ANK3: variants seen among roughly 807,000 people sequenced by gnomAD.
ANK3 encodes the protein ankyrin 3.
ANK3 carries 57 observed loss-of-function variants against 370.9 expected under a neutral mutation model. The observed-to-expected ratio is 0.15, with a 90% confidence interval of 0.12 to 0.19. The LOEUF (loss-of-function observed/expected upper bound fraction) is 0.19, where lower values mean the gene tolerates loss of function less well. Ranked by LOEUF, ANK3 falls within the 10% of genes least tolerant of loss-of-function variation. The probability of loss-of-function intolerance (pLI) is 1.00; values close to 1 mark genes in which losing one functional copy is unlikely to be tolerated. For synonymous variants in ANK3, 1,929 were observed against 1,946.3 expected (o/e 0.99, Z 0.23); for missense variants, 4,439 against 5,302.1 (o/e 0.84, Z 5.06).
chr10:60,328,205 C>G (rs1031962301), intron 1 of ANK3, among the ~76,000 whole-genome samples: 2 of 152,076 alleles, frequency 1.3e-5, no homozygotes, highest in African/African-American at 4.8e-5. Flanking sequence ...GAAGCAAATA[C>G]AACAAGAAAT....
intron 1 of ANK3, among the ~76,000 whole-genome samples, chr10:60,308,536 A>C (rs1266953426): frequency 6.6e-6 from 1 of 152,050 alleles, no homozygotes; most frequent in Non-Finnish European, 1.5e-5. Context: ...TCGGCCTCCC[A>C]AATTGCTGGG....
intron 11 of ANK3, 55 bp downstream of exon 11, chr10:60,205,737 G>T: frequency 7.5e-7 from 1 of 1,332,936 alleles, no homozygotes; most frequent in Non-Finnish European, 1.1e-6. Context: ...GGCTCTGGCT[G>T]CTAAGGCTAT....
intron 2 of ANK3, among the ~76,000 whole-genome samples, chr10:60,395,264 A>C (rs2063192785): frequency 6.6e-6 from 1 of 152,244 alleles, no homozygotes; most frequent in Non-Finnish European, 1.5e-5. Flanking sequence ...AAGTAGCTCA[A>C]TGATTTTATA....
At chr10:60,504,193 C>G (rs977157105) in intron 2 of ANK3, among the ~76,000 whole-genome samples, 7 of 152,038 alleles carry the variant, frequency 4.6e-5, no homozygotes, top group African/African-American at 9.7e-5. Context: ...GGAGTAAAAC[C>G]TTGATGGACA....
intron 24 of ANK3, among the ~76,000 whole-genome samples, chr10:60,137,697 G>A (rs892066565): frequency 2.6e-5 from 4 of 152,092 alleles, no homozygotes; most frequent in East Asian, 3.9e-4. Flanking sequence ...AATACAGTGC[G>A]ATATTCTGGT....
chr10:60,050,941 G>A (rs948516670), intron 42 of ANK3, among the ~76,000 whole-genome samples: 3 of 142,544 alleles, frequency 2.1e-5, no homozygotes, highest in African/African-American at 7.9e-5. Context: ...GACTTGCATT[G>A]TGTCACATAT....
intron 11 of ANK3, 47 bp from the exon 12 acceptor site, chr10:60,203,147 A>C (rs2096710703): frequency 6.8e-7 from 1 of 1,460,198 alleles, no homozygotes; most frequent in Non-Finnish European, 9.6e-7. Flanking sequence ...TAGCATAAAA[A>C]AGGTTTGTCT....
rs80254229 is a variant in ANK3, at chr10:60,080,707, T to G, written c.4351-89A>C. 3,688 of 1,000,162 alleles carry G rather than the reference T, an allele frequency of 3.7e-3. 61 individuals carry two copies. The African/African-American group carries it at 0.047, about 13-fold the overall frequency. The allele number at this position is 1,000,162 out of a possible 1,614,324, so 62.0% of individuals were successfully genotyped here. A position where few individuals can be genotyped will look rare whatever the true frequency, so the allele number is the denominator to read the frequency against. ...GACATTTTGTAGGATGGCATGTTGA[T>G]AACTTGTTTATTTTCCTTCTTAGGA... On this transcript the variant is annotated intron_variant, in intron 35 of 43. Transcript: ENST00000280772.
chr10:60,138,032 C>T (rs1449105568), intron 24 of ANK3, among the ~76,000 whole-genome samples: 1 of 151,962 alleles, frequency 6.6e-6, no homozygotes, highest in African/African-American at 2.4e-5. Flanking sequence ...AAAAGTTCTA[C>T]CAAGCTATAT....
Position 60,070,550 on chromosome 10 carries a change from T to C in ANK3, c.10331A>G (p.Asp3444Gly). 6.2e-7 allele frequency: 1 copy of C among 1,614,160 alleles called. No homozygotes were observed. Residue 3444 changes from aspartate to glycine, a missense_variant, in exon 37 of 44, where the codon GAT becomes GGT. Asp to Gly is a moderately conservative substitution (Grantham distance 94, BLOSUM62 -1). Coordinates refer to ENST00000280772, the MANE Select transcript of ANK3 (RefSeq NM_020987.5). This position sits in a 1 kb window ranked among gnomAD's most constrained non-coding sequence, Gnocchi z 5.7. ...CAGAATGCCCTCTGTGTTCCAGATA[T>C]CTTTCTTAATTTCCATGGCTTGAAT... is the stretch of plus-strand genomic sequence containing the variant. ...LPIQAMEIKK[D>G]IWNTEGILKP...
At chr10:60,334,504 G>A (rs2052309358) in intron 1 of ANK3, among the ~76,000 whole-genome samples, 1 of 152,162 alleles carries the variant, frequency 6.6e-6, no homozygotes, top group South Asian at 2.1e-4. Flanking sequence ...GAGGAGCAGA[G>A]CTGGAAGACC....
intron 2 of ANK3, among the ~76,000 whole-genome samples, chr10:60,498,430 C>T (rs2075714508): frequency 6.6e-6 from 1 of 152,130 alleles, no homozygotes; most frequent in Admixed American, 6.6e-5. Context: ...CTCACTCTGT[C>T]ACCCAGGCTG....
chr10:60,061,875 T>A (rs752800671), intron 40 of ANK3: 20 of 152,206 alleles, frequency 1.3e-4, no homozygotes, highest in Non-Finnish European at 2.8e-4. Flanking sequence ...TTGTGACTCT[T>A]GTTAATCTAA....
intron 2 of ANK3, among the ~76,000 whole-genome samples, chr10:60,479,031 A>T (rs2075143388): frequency 6.6e-6 from 1 of 152,130 alleles, no homozygotes; most frequent in African/African-American, 2.4e-5. Context: ...TTATTAGCCA[A>T]ATTTTCTAAA....
rs775343818 is a variant in ANK3, at chr10:60,069,919, G to A, written c.10962C>T (p.Val3654=). Residue 3654 remains valine, a synonymous_variant, in exon 37 of 44, where the codon GTC becomes GTT. Coordinates refer to ENST00000280772, the MANE Select transcript of ANK3 (RefSeq NM_020987.5). ...CTGACTGTGGCTGTGGTGTGGCAGT[G>A]ACCATACTTTTATCCCCTTCCCCCT... ...GDQGEGDKSM[V]TATPQPQSGD... is the part of the protein sequence containing the mutation. 5 of 1,613,956 alleles carry A rather than the reference G, an allele frequency of 3.1e-6. No homozygotes were observed. The highest frequency in any genetic ancestry group is 4.5e-5 in the East Asian group (2 of 44,862).
intron 2 of ANK3, among the ~76,000 whole-genome samples, chr10:60,471,659 AT>A (rs1340597900): frequency 6.6e-6 from 1 of 152,146 alleles, no homozygotes; most frequent in East Asian, 1.9e-4. Context: ...ATTGAAAAAT[AT>A]TGCCAAATTG....
At chr10:60,392,063 G>A (rs2063122920), upstream of ANK3, among the ~76,000 whole-genome samples, 1 of 152,116 alleles carries the variant, frequency 6.6e-6, no homozygotes, top group Non-Finnish European at 1.5e-5. Context: ...GTGGGTCCTA[G>A]GTTTTGACTG....
intron 23 of ANK3, among the ~76,000 whole-genome samples, chr10:60,162,938 T>G (rs947002016): frequency 7.2e-5 from 11 of 152,136 alleles, no homozygotes. Context: ...AAAATAACAT[T>G]TTATACCCCC....
intron 8 of ANK3, among the ~76,000 whole-genome samples, chr10:60,228,900 C>A (rs2097203666): frequency 6.6e-6 from 1 of 152,092 alleles, no homozygotes; most frequent in African/African-American, 2.4e-5. Context: ...TCAACAGAAC[C>A]AGGCATACGA....
Sources: gnomAD v4.1 joint callset for allele counts (sites outside exome capture counted in the v4.1 genomes callset) on GRCh38, gnomAD v4.1.1 for gene constraint, Gnocchi (gnomAD v3.1) non-coding constraint, MANE v1.5 for transcripts, NCBI Gene and HGNC (gene_info 2026-07-23, HGNC 2026-07-21) for gene names.